The following PRKG1 variants were observed in gnomAD, a reference collection of about 807,000 sequenced individuals.
The protein encoded by PRKG1 is cGMP-dependent protein kinase 1.
A neutral mutation model predicts 88.1 loss-of-function variants in PRKG1; 35 were observed. That is an observed-to-expected ratio of 0.40 (90% confidence interval 0.30 to 0.53). PRKG1 has a LOEUF of 0.53. PRKG1 is among the 20% of genes least tolerant of loss of function. The pLI is 0.59. For missense variants in PRKG1, 540 were observed against 839.8 expected (o/e 0.64, Z 4.41); for synonymous variants, 303 against 292.5 (o/e 1.04, Z -0.37).
intron 2 of PRKG1, among the ~76,000 whole-genome samples, chr10:51,168,394 A>C (rs1846606088): frequency 6.6e-6 from 1 of 152,170 alleles, no homozygotes; most frequent in Non-Finnish European, 1.5e-5. Flanking sequence ...TTTGTTTTAA[A>C]AATGTAGTTA....
At chr10:51,699,666 A>C (rs989251455) in intron 3 of PRKG1, 2 of 1,168,484 alleles carry the variant, frequency 1.7e-6, no homozygotes, top group East Asian at 2.4e-5. Flanking sequence ...AACTTTACTA[A>C]TTCGCTTGAA....
rs539938667 is a variant in PRKG1 at position 51,959,452 on chromosome 10, G to A, written c.762+51882G>A. ...AACTGAAGGTGGAAATGTAGAGTACGTTGAGGTAGCATACAAGAGACAAGA... is the reference window on the plus strand; with the variant it reads ...AACTGAAGGTGGAAATGTAGAGTACATTGAGGTAGCATACAAGAGACAAGA... On this transcript the variant is annotated intron_variant, in intron 5 of 17. Transcript: ENST00000373980. Among the ~76,000 whole-genome samples, 15 of 152,232 alleles carry A rather than the reference G, an allele frequency of 9.9e-5. No individual in the cohort carries two copies. In the East Asian group the frequency reaches 1.5e-3, roughly 16 times the overall value.
intron 2 of PRKG1, 131 bp from the exon 3 acceptor site, chr10:51,467,592 C>A: frequency 1.6e-6 from 1 of 622,164 alleles, no homozygotes. Context: ...TGCGCTGCCT[C>A]GTGGTGACTT....
intron 5 of PRKG1, among the ~76,000 whole-genome samples, chr10:52,003,385 C>T (rs1158792951): frequency 4.6e-5 from 7 of 152,116 alleles, no homozygotes; most frequent in African/African-American, 1.7e-4. Flanking sequence ...TTCTCCTTTG[C>T]AAATCCAGGT....
rs186557878 is a variant in PRKG1, at chr10:52,006,286, T to C, written c.763-48198T>C. On this transcript the variant is annotated intron_variant, in intron 5 of 17. Coordinates refer to ENST00000373980, the MANE Select transcript of PRKG1 (RefSeq NM_006258.4). ...GCAAGGGTTCTCAACAAGGCTGAAA[T>C]GGCCGAAGTGACAGAAATAGAATAC... Among the ~76,000 whole-genome samples the C allele has an allele frequency of 3.9e-4, 60 of 152,272 alleles. 1 individual carries two copies. Among genetic ancestry groups the C allele is most frequent in the African/African-American group, 1.4e-3 (57 of 41,542 alleles).
At chr10:51,309,159 G>A (rs1205956427) in intron 2 of PRKG1, among the ~76,000 whole-genome samples, 1 of 152,096 alleles carries the variant, frequency 6.6e-6, no homozygotes, top group Non-Finnish European at 1.5e-5. Context: ...TGAACCATGA[G>A]GTCTGCATCA....
intron 5 of PRKG1, among the ~76,000 whole-genome samples, chr10:51,969,932 C>A (rs1017248323): frequency 6.6e-6 from 1 of 150,440 alleles, no homozygotes; most frequent in Non-Finnish European, 1.5e-5. Context: ...ATAAAGAATA[C>A]CTGTATACTT....
At chr10:52,132,155 TAGAA>T (rs1460937353) in intron 7 of PRKG1, among the ~76,000 whole-genome samples, 2 of 152,086 alleles carry the variant, frequency 1.3e-5, no homozygotes, top group Non-Finnish European at 2.9e-5. Context: ...TCTGAACAAG[TAGAA>T]AGTCATGCCA....
intron 5 of PRKG1, among the ~76,000 whole-genome samples, chr10:51,947,446 C>G (rs1843072946): frequency 6.8e-6 from 1 of 146,008 alleles, no homozygotes; most frequent in Non-Finnish European, 1.5e-5. Flanking sequence ...CCTGCTTCGG[C>G]TCGCGCATGG....
chr10:52,070,569 T>G (rs544928146), intron 7 of PRKG1, among the ~76,000 whole-genome samples: 2 of 152,332 alleles, frequency 1.3e-5, no homozygotes, highest in South Asian at 4.1e-4. Context: ...GCATATATTC[T>G]TTCCCCCGCT....
chr10:51,497,668 G>T (rs1209930745), intron 3 of PRKG1, among the ~76,000 whole-genome samples: 5 of 152,168 alleles, frequency 3.3e-5, no homozygotes, highest in African/African-American at 9.6e-5. Flanking sequence ...TGTGCAAATA[G>T]ATTAGAGATC....
chr10:51,231,435 G>A (rs1171929584), intron 2 of PRKG1, among the ~76,000 whole-genome samples: 1 of 152,130 alleles, frequency 6.6e-6, no homozygotes, highest in Non-Finnish European at 1.5e-5. Context: ...TCTCATGGCT[G>A]TCCCCTGAGG....
chr10:51,884,205 G>A (rs1841505494), intron 4 of PRKG1, among the ~76,000 whole-genome samples: 1 of 151,390 alleles, frequency 6.6e-6, no homozygotes, highest in African/African-American at 2.4e-5. Flanking sequence ...CCAGCACTTT[G>A]GGAGGCCGAG....
intron 3 of PRKG1, among the ~76,000 whole-genome samples, chr10:51,532,039 C>T (rs1182838224): frequency 6.6e-6 from 1 of 152,130 alleles, no homozygotes; most frequent in Non-Finnish European, 1.5e-5. Context: ...CAGTTCATCT[C>T]AATTTTGCTC....
intron 9 of PRKG1, among the ~76,000 whole-genome samples, chr10:52,198,878 T>A (rs1839583681): frequency 6.6e-6 from 1 of 151,870 alleles, no homozygotes; most frequent in Non-Finnish European, 1.5e-5. Context: ...TTAAGCATAC[T>A]TGAGATAGTA....
intron 5 of PRKG1, among the ~76,000 whole-genome samples, chr10:51,933,859 AGTC>A (rs1184282479): frequency 1.3e-5 from 2 of 152,172 alleles, no homozygotes; most frequent in African/African-American, 2.4e-5. Context: ...TATGTGCCAA[AGTC>A]ACAATCTCTA....
intron 4 of PRKG1, among the ~76,000 whole-genome samples, chr10:51,815,818 TCC>T (rs1839570516): frequency 6.6e-6 from 1 of 152,150 alleles, no homozygotes; most frequent in Non-Finnish European, 1.5e-5. Context: ...AATCTGAGAA[TCC>T]TGATTTTCTG....
At chr10:52,010,696 C>T (rs957952255) in intron 5 of PRKG1, among the ~76,000 whole-genome samples, 2 of 152,322 alleles carry the variant, frequency 1.3e-5, no homozygotes, top group East Asian at 1.9e-4. Context: ...GGCCTTCCCA[C>T]TCCCCACTTG....
At chr10:51,464,869 C>T (rs368880894) in intron 2 of PRKG1, among the ~76,000 whole-genome samples, 1 of 123,086 alleles carries the variant, frequency 8.1e-6, no homozygotes, top group Non-Finnish European at 1.6e-5. Context: ...CCAGCCTGGG[C>T]GACAGAGCGA....
Sources: allele counts gnomAD v4.1 joint callset (sites outside exome capture counted in the v4.1 genomes callset), GRCh38; gene constraint gnomAD v4.1.1; transcripts MANE v1.5; gene names NCBI Gene and HGNC (gene_info 2026-07-23, HGNC 2026-07-21).